Variants in TAPBPL observed in about 807,000 individuals in gnomAD.
The protein encoded by TAPBPL is TAP binding protein like, also known as tapasin-related protein.
In TAPBPL, 32 loss-of-function variants were observed where a neutral mutation model predicts 44.8. That is an observed-to-expected ratio of 0.71 (90% CI 0.54 to 0.96). The LOEUF (loss-of-function observed/expected upper bound fraction) is 0.96, where lower values mean the gene tolerates loss of function less well. TAPBPL is among the 40% of genes least tolerant of loss of function. TAPBPL has a pLI of 0.00. For synonymous variants in TAPBPL, 230 were observed against 240.7 expected (o/e 0.96, Z 0.41); for missense variants, 520 against 586.6 (o/e 0.89, Z 1.17).
At chr12:6,462,521 AG>A, downstream of TAPBPL, 1 of 504,480 alleles carries the variant, frequency 2.0e-6, no homozygotes, top group Non-Finnish European at 3.5e-6. Flanking sequence ...GTGGGAGGAA[AG>A]GGGGATAGCA....
downstream of TAPBPL, chr12:6,463,473 C>T: frequency 1.9e-6 from 2 of 1,043,330 alleles, no homozygotes; most frequent in South Asian, 6.3e-5. The surrounding 1 kb of genome is among the most constrained non-coding windows in gnomAD (Gnocchi z 4.0). Context: ...AGATCTCACA[C>T]TGCTAACACC....
downstream of TAPBPL, chr12:6,465,468 TGTGTG>T (rs1949999974): frequency 7.8e-5 from 6 of 77,294 alleles, no homozygotes; most frequent in Admixed American, 6.9e-4. Context: ...GTATATATAG[TGTGTG>T]TGTGTGTGTG....
At chr12:6,468,399 T>C (rs930829743), downstream of TAPBPL, among the ~76,000 whole-genome samples, 1 of 152,160 alleles carries the variant, frequency 6.6e-6, no homozygotes, top group African/African-American at 2.4e-5. Context: ...TCTATGTAGG[T>C]GGAGTGAGTC....
Position 6,458,891 on chromosome 12 carries a change from T to C in TAPBPL, c.1151T>C (p.Val384Ala), listed in dbSNP as rs781555666. The change falls in exon 5 of 7, where the codon GTC (valine) becomes GCC (alanine). Residue 384 changes from valine (V) to alanine (A), a missense_variant. Val to Ala is a moderately conservative substitution (Grantham distance 64). Transcript: ENST00000266556. ...GCAGGTGCCACTTACACCTGCCAGG[T>C]CACACACATCTCTCTGGAGGAGCCC... Reference protein sequence around the residue: ...GSAGATYTCQVTHISLEEPLG... With the variant: ...GSAGATYTCQATHISLEEPLG... The C allele has an allele frequency of 4.3e-6, 7 of 1,614,126 alleles. No individual in the cohort carries two copies. Among genetic ancestry groups the C allele is most frequent in the Admixed American group, 1.7e-5 (1 of 60,006 alleles).
chr12:6,470,639 C>G, downstream of TAPBPL: 3 of 1,465,608 alleles, frequency 2.0e-6, no homozygotes, highest in East Asian at 2.4e-5. Flanking sequence ...CTCCGCCTCG[C>G]GCCGACTACC....
At chr12:6,471,184 A>G (rs1217009119), downstream of TAPBPL, among the ~76,000 whole-genome samples, 1 of 152,160 alleles carries the variant, frequency 6.6e-6, no homozygotes, top group Admixed American at 6.5e-5. This position sits in a 1 kb window ranked among gnomAD's most constrained non-coding sequence, Gnocchi z 4.0. Flanking sequence ...GCCTCGAGAC[A>G]CAGCCACAAG....
downstream of TAPBPL, among the ~76,000 whole-genome samples, chr12:6,469,458 T>C (rs965856616): frequency 6.6e-5 from 10 of 152,170 alleles, no homozygotes; most frequent in Non-Finnish European, 1.5e-4. Flanking sequence ...CCAAAATGCA[T>C]AGAACACTCA....
downstream of TAPBPL, among the ~76,000 whole-genome samples, chr12:6,467,521 A>G (rs1475270455): frequency 6.6e-6 from 1 of 152,214 alleles, no homozygotes; most frequent in Admixed American, 6.5e-5. Context: ...TGAACTTGAG[A>G]GAGATAATTT....
At chr12:6,470,607 T>A (rs1945750003), downstream of TAPBPL, 3 of 1,594,184 alleles carry the variant, frequency 1.9e-6, no homozygotes, top group Non-Finnish European at 2.6e-6. Flanking sequence ...ACGCTGCGGC[T>A]GAAGTGGACG....
chr12:6,453,118 G>A lies in TAPBPL; in HGVS notation c.116G>A (p.Cys39Tyr). Reference sequence around the variant, plus strand: ...CGGGCAGTGGACGTGGTCCTAGACTGCTTCCTGGCGAAGGACGGTGCGCAC... The same window carrying A: ...CGGGCAGTGGACGTGGTCCTAGACTACTTCCTGGCGAAGGACGGTGCGCAC... ...QWRAVDVVLD[C>Y]FLAKDGAHRG... The change falls in exon 2 of 7, where the codon TGC becomes TAC. Residue 39 changes from cysteine (C) to tyrosine (Y), a missense_variant. By Grantham distance (194) the Cys-to-Tyr change is radical. Transcript: ENST00000266556. This position sits in a 1 kb window ranked among gnomAD's most constrained non-coding sequence, Gnocchi z 4.8. The A allele has an allele frequency of 6.3e-7, 1 of 1,586,570 alleles. No individual in the cohort carries two copies. Among genetic ancestry groups the A allele is most frequent in the Non-Finnish European group, 8.6e-7 (1 of 1,166,450 alleles).
chr12:6,454,886 G>T (rs1949663335), intron 3 of TAPBPL, among the ~76,000 whole-genome samples: 2 of 151,968 alleles, frequency 1.3e-5, no homozygotes, highest in Non-Finnish European at 2.9e-5. Context: ...GAGTCTCCAA[G>T]AAGAAACAGC....
intron 3 of TAPBPL, among the ~76,000 whole-genome samples, chr12:6,457,116 T>C (rs1260035735): frequency 6.6e-6 from 1 of 152,236 alleles, no homozygotes; most frequent in African/African-American, 2.4e-5. Context: ...TACCTGAAGA[T>C]TGATGGTAAC....
chr12:6,471,329 A>G (rs1342837359), downstream of TAPBPL, among the ~76,000 whole-genome samples: 1 of 152,144 alleles, frequency 6.6e-6, no homozygotes, highest in East Asian at 1.9e-4. The surrounding 1 kb of genome is among the most constrained non-coding windows in gnomAD (Gnocchi z 4.0). Flanking sequence ...AGGTTACCAC[A>G]TCGACTCAGT....
chr12:6,470,883 A>C, downstream of TAPBPL: 1 of 369,712 alleles, frequency 2.7e-6, no homozygotes, highest in Non-Finnish European at 4.9e-6. Flanking sequence ...TCAGTGATCA[A>C]TGCGACCATA....
At chr12:6,452,633 T>C in intron 1 of TAPBPL, 1 of 1,290,984 alleles carries the variant, frequency 7.7e-7, no homozygotes, top group Non-Finnish European at 9.8e-7. Flanking sequence ...AGGAAATCAC[T>C]TGGAAGGTGA....
rs145996145 is a variant in TAPBPL, at chr12:6,462,003, G to A, written c.1292-31G>A. ...TTGTTTGCCAGTGTGAGATGCCCAC[G>A]CAACTTCCTGTCTTCACTTCCTCTT... is the stretch of plus-strand genomic sequence containing the variant. On this transcript the variant is annotated intron_variant, in intron 6 of 6. Transcript: ENST00000266556. The A allele has an allele frequency of 4.7e-4, 738 of 1,582,110 alleles. 2 individuals carry two copies. In the African/African-American group the frequency reaches 8.8e-3, roughly 19 times the overall value.
chr12:6,470,409 G>A, downstream of TAPBPL: 7 of 1,474,068 alleles, frequency 4.7e-6, no homozygotes, highest in South Asian at 4.7e-5. Flanking sequence ...AGCGGCGCGC[G>A]GTGGTAGTTC....
chr12:6,464,609 T>C (rs1240523747), downstream of TAPBPL: 1 of 1,457,930 alleles, frequency 6.9e-7, no homozygotes, highest in Non-Finnish European at 9.0e-7. Flanking sequence ...CCCATCCCCA[T>C]GGTCTCCCTC....
chr12:6,463,845 A>T, downstream of TAPBPL: 1 of 1,241,396 alleles, frequency 8.1e-7, no homozygotes, highest in Non-Finnish European at 1.0e-6. The surrounding 1 kb of genome is among the most constrained non-coding windows in gnomAD (Gnocchi z 4.0). Flanking sequence ...AACAAAGTAA[A>T]GTTGTAAGAT....
Sources: allele counts gnomAD v4.1 joint callset (sites outside exome capture counted in the v4.1 genomes callset), GRCh38; gene constraint gnomAD v4.1.1; non-coding constraint Gnocchi (gnomAD v3.1); transcripts MANE v1.5; gene names NCBI Gene and HGNC (gene_info 2026-07-23, HGNC 2026-07-21).